Variants in HHAT observed in about 807,000 individuals in gnomAD.
HHAT encodes the protein hedgehog acyltransferase.
In HHAT, 47 loss-of-function variants were observed where a neutral mutation model predicts 70.8. That is an observed-to-expected ratio of 0.66 (90% confidence interval 0.53 to 0.85). The LOEUF (loss-of-function observed/expected upper bound fraction) is 0.85, where lower values mean the gene tolerates loss of function less well. Ranked by LOEUF, HHAT falls within the 40% of genes least tolerant of loss-of-function variation. HHAT has a pLI of 0.00. For missense variants in HHAT, 609 were observed against 604.8 expected (o/e 1.01, Z -0.07); for synonymous variants, 228 against 247.6 (o/e 0.92, Z 0.74).
rs570057449 is a variant in HHAT, at chr1:210,425,474, G to A, written c.856+7149G>A. 7.9e-5 allele frequency among the ~76,000 whole-genome samples: 12 copies of A among 152,130 alleles called. No individual in the cohort carries two copies. In the East Asian group the frequency reaches 2.3e-3, roughly 29 times the overall value. On this transcript the variant is annotated intron_variant, in intron 7 of 11. Coordinates refer to ENST00000261458, the MANE Select transcript of HHAT (RefSeq NM_018194.6). ...GTCTTCCAGGATTTTTATAGTTTTG[G>A]GTTTTACATTTATGTCTTTAATCGA...
intron 10 of HHAT, among the ~76,000 whole-genome samples, chr1:210,617,784 G>A (rs1228375743): frequency 1.3e-5 from 2 of 152,214 alleles, no homozygotes; most frequent in Non-Finnish European, 2.9e-5. Context: ...TTCTCTCTCA[G>A]GAGTATGCAC....
In HHAT at chr1:210,527,028, G is replaced by A. The variant is rs370154898; in HGVS notation, c.1043+13840G>A. ...CCTCGGAATTTCCTGAGTGATCAGA[G>A]GATCTTTTGTTCTAATGAGACAACT... On this transcript the variant is annotated intron_variant, in intron 9 of 11. Transcript: ENST00000261458. Among the ~76,000 whole-genome samples, 7 of 152,192 alleles carry A rather than the reference G, an allele frequency of 4.6e-5. No individual in the cohort carries two copies. In the East Asian group the frequency reaches 7.7e-4, roughly 17 times the overall value.
At chr1:210,356,337 T>C (rs890529860) in intron 2 of HHAT, among the ~76,000 whole-genome samples, 1 of 152,200 alleles carries the variant, frequency 6.6e-6, no homozygotes, top group Non-Finnish European at 1.5e-5. Flanking sequence ...GACATTTTTA[T>C]AAATGAAATT....
intron 7 of HHAT, among the ~76,000 whole-genome samples, chr1:210,461,137 A>C (rs1022666469): frequency 6.6e-6 from 1 of 152,204 alleles, no homozygotes; most frequent in Non-Finnish European, 1.5e-5. Context: ...CATAACTTGC[A>C]ATCAGAGTAG....
intron 11 of HHAT, among the ~76,000 whole-genome samples, chr1:210,674,054 AC>A (rs1680726862): frequency 6.6e-6 from 1 of 150,728 alleles, no homozygotes; most frequent in African/African-American, 2.4e-5. Context: ...GGTGCGCTGC[AC>A]CCACTAACTC....
intron 7 of HHAT, among the ~76,000 whole-genome samples, chr1:210,425,327 G>A (rs1255566657): frequency 6.6e-6 from 1 of 152,102 alleles, no homozygotes; most frequent in East Asian, 1.9e-4. Flanking sequence ...AGTTTGTTTT[G>A]CTGTGCAGAA....
Position 210,496,010 on chromosome 1 carries a change from C to CAAAAAAAAAAAAAA in HHAT, c.1008-17136_1008-17123dup, listed in dbSNP as rs10639399. On this transcript the variant is annotated intron_variant, in intron 8 of 11. Coordinates refer to ENST00000261458, the MANE Select transcript of HHAT (RefSeq NM_018194.6). ...TGGGCAACAGAGTCAAACTCTATCT[C>CAAAAAAAAAAAAAA]AAAAAAAAAAAAAAAAAAAAGAAAA... Among the ~76,000 whole-genome samples, 212 of 67,836 alleles carry CAAAAAAAAAAAAAA rather than the reference C, an allele frequency of 3.1e-3. 1 individual carries two copies. Among genetic ancestry groups the CAAAAAAAAAAAAAA allele is most frequent in the Non-Finnish European group, 4.4e-3 (179 of 40,646 alleles). 44.5% of individuals were successfully genotyped at this position (67,836 alleles called of 152,430 possible).
intron 1 of HHAT, among the ~76,000 whole-genome samples, chr1:210,343,922 G>A (rs920753272): frequency 6.6e-6 from 1 of 152,182 alleles, no homozygotes; most frequent in Non-Finnish European, 1.5e-5. Context: ...TGTTTGTTGA[G>A]TGCTTATTCA....
chr1:210,631,856 A>G (rs77382341), intron 11 of HHAT, among the ~76,000 whole-genome samples: 21,506 of 152,280 alleles, frequency 0.14, 1,564 homozygotes, highest in South Asian at 0.21. Flanking sequence ...AAGGCACTCA[A>G]ATCTTTCAGT....
At chr1:210,616,882 T>C (rs1667865415) in intron 10 of HHAT, among the ~76,000 whole-genome samples, 1 of 152,238 alleles carries the variant, frequency 6.6e-6, no homozygotes, top group Non-Finnish European at 1.5e-5. Context: ...AGTGAATTTT[T>C]TGCATCACAA....
chr1:210,447,605 T>A (rs1246022090), intron 7 of HHAT, among the ~76,000 whole-genome samples: 1 of 152,216 alleles, frequency 6.6e-6, no homozygotes, highest in Admixed American at 6.5e-5. Context: ...ATGTCCTGGT[T>A]CAGCAATTTG....
At chr1:210,550,513 A>G (rs2095519153) in intron 9 of HHAT, among the ~76,000 whole-genome samples, 1 of 149,092 alleles carries the variant, frequency 6.7e-6, no homozygotes, top group African/African-American at 2.5e-5. Flanking sequence ...TGAGCACGGT[A>G]ACGAGCACAT....
At chr1:210,415,778 C>T (rs532813836) in intron 6 of HHAT, among the ~76,000 whole-genome samples, 1 of 152,092 alleles carries the variant, frequency 6.6e-6, no homozygotes, top group South Asian at 2.1e-4. Context: ...CCTGCCTCAG[C>T]CTCCTGGGTA....
At chr1:210,476,736 G>C (rs943402084) in intron 8 of HHAT, among the ~76,000 whole-genome samples, 4 of 152,200 alleles carry the variant, frequency 2.6e-5, no homozygotes, top group African/African-American at 9.7e-5. Flanking sequence ...CAAGAGCCTT[G>C]CATTAGATTC....
At chr1:210,574,504 A>G (rs1034252492) in intron 9 of HHAT, among the ~76,000 whole-genome samples, 1 of 152,228 alleles carries the variant, frequency 6.6e-6, no homozygotes, top group Non-Finnish European at 1.5e-5. Context: ...GAAGGTAGGG[A>G]CTTGCCCACC....
chr1:210,361,748 G>A (rs1427313642), intron 2 of HHAT, among the ~76,000 whole-genome samples: 1 of 151,610 alleles, frequency 6.6e-6, no homozygotes, highest in Non-Finnish European at 1.5e-5. Context: ...TCCTTTTTTG[G>A]GGGGGAATCT....
At chr1:210,620,810 T>C (rs1425055588) in intron 10 of HHAT, among the ~76,000 whole-genome samples, 1 of 152,198 alleles carries the variant, frequency 6.6e-6, no homozygotes, top group East Asian at 1.9e-4. Flanking sequence ...TGAATTGTAG[T>C]CATTCATTTC....
chr1:210,390,276 A>G (rs1307860824), intron 4 of HHAT, among the ~76,000 whole-genome samples: 1 of 152,220 alleles, frequency 6.6e-6, no homozygotes, highest in African/African-American at 2.4e-5. Flanking sequence ...AGTAAAAGGT[A>G]TGAAAAGATA....
In HHAT at chr1:210,564,704, T is replaced by C. The variant is rs932346395; in HGVS notation, c.1044-23194T>C. On this transcript the variant is annotated intron_variant, in intron 9 of 11. Coordinates refer to ENST00000261458, the MANE Select transcript of HHAT (RefSeq NM_018194.6). The stretch of plus-strand genomic sequence containing the variant: ...CTAAAGAGGAAAGTGGAGGGCACTG[T>C]CAATGCACAATGTAATAGATAGGAC... 3.3e-5 allele frequency among the ~76,000 whole-genome samples: 5 copies of C among 152,142 alleles called. No individual in the cohort carries two copies. The East Asian group carries it at 9.7e-4, about 29-fold the overall frequency.
Sources: allele counts gnomAD v4.1 joint callset (sites outside exome capture counted in the v4.1 genomes callset), GRCh38; gene constraint gnomAD v4.1.1; transcripts MANE v1.5; gene names NCBI Gene and HGNC (gene_info 2026-07-23, HGNC 2026-07-21).